Variants in BRINP1 observed in about 807,000 individuals in gnomAD.
BRINP1 encodes the protein BMP/retinoic acid inducible neural specific 1.
Under a neutral mutation model 72.9 loss-of-function variants are expected in BRINP1, and 17 were observed. The observed-to-expected ratio is 0.23, with a 90% CI of 0.16 to 0.35. The LOEUF (loss-of-function observed/expected upper bound fraction) is 0.35, where lower values mean the gene tolerates loss of function less well. Ranked by LOEUF, BRINP1 falls within the 10% of genes least tolerant of loss-of-function variation. The probability of loss-of-function intolerance (pLI) is 1.00; values close to 1 mark genes in which losing one functional copy is unlikely to be tolerated. For synonymous variants in BRINP1, 418 were observed against 378.5 expected, an observed-to-expected ratio of 1.10 and a Z score of -1.21; for missense variants, 850 against 1,001.6, an observed-to-expected ratio of 0.85 and a Z score of 2.04.
intron 2 of BRINP1, among the ~76,000 whole-genome samples, chr9:119,309,491 G>T (rs970128042): frequency 6.6e-6 from 1 of 152,156 alleles, no homozygotes; most frequent in African/African-American, 2.4e-5. Flanking sequence ...TTCAGAGTGT[G>T]GCTATGAGGA....
At chr9:119,194,083 G>T (rs1829708704) in intron 7 of BRINP1, among the ~76,000 whole-genome samples, 1 of 152,148 alleles carries the variant, frequency 6.6e-6, no homozygotes, top group Non-Finnish European at 1.5e-5. Flanking sequence ...GACATGTGAG[G>T]GAAGCCTTCT....
intron 7 of BRINP1, among the ~76,000 whole-genome samples, chr9:119,178,097 C>G (rs1829509318): frequency 6.6e-6 from 1 of 152,032 alleles, no homozygotes; most frequent in South Asian, 2.1e-4. Flanking sequence ...GGAGGAGACC[C>G]TGGACAGGGA....
chr9:119,365,656 T>G (rs1831683270), intron 1 of BRINP1, among the ~76,000 whole-genome samples: 1 of 152,156 alleles, frequency 6.6e-6, no homozygotes, highest in Non-Finnish European at 1.5e-5. Flanking sequence ...CATAAACTCT[T>G]GCAAGCACTA....
intron 7 of BRINP1, among the ~76,000 whole-genome samples, chr9:119,197,075 TG>T (rs1829746077): frequency 6.6e-6 from 1 of 152,192 alleles, no homozygotes; most frequent in Non-Finnish European, 1.5e-5. Flanking sequence ...ACTGAATTTG[TG>T]GTCAAGTAGG....
chr9:119,170,948 A>C (rs1171875786), intron 7 of BRINP1, among the ~76,000 whole-genome samples: 145 of 143,718 alleles, frequency 1.0e-3, no homozygotes, highest in Non-Finnish European at 8.6e-4. Flanking sequence ...TTTTGTCACC[A>C]CCAGGCCTGC....
At chr9:119,364,919 C>A (rs1831675473) in intron 1 of BRINP1, among the ~76,000 whole-genome samples, 1 of 152,190 alleles carries the variant, frequency 6.6e-6, no homozygotes, top group Non-Finnish European at 1.5e-5. Flanking sequence ...GAACATGAAG[C>A]AATTGTTAGC....
chr9:119,262,396 G>A (rs1564231997), intron 2 of BRINP1, among the ~76,000 whole-genome samples: 2 of 152,124 alleles, frequency 1.3e-5, no homozygotes, highest in Admixed American at 6.5e-5. Flanking sequence ...CACTTTGGGA[G>A]GTCGAGGCGG....
At chr9:119,353,667 C>G (rs1411997707) in intron 1 of BRINP1, among the ~76,000 whole-genome samples, 1 of 152,132 alleles carries the variant, frequency 6.6e-6, no homozygotes, top group Non-Finnish European at 1.5e-5. Context: ...TCAATCAATA[C>G]CAGTTCCCAT....
intron 5 of BRINP1, among the ~76,000 whole-genome samples, chr9:119,221,580 T>C (rs1384883923): frequency 6.6e-6 from 1 of 152,068 alleles, no homozygotes; most frequent in Non-Finnish European, 1.5e-5. Flanking sequence ...GATGGGTCAT[T>C]TACACTCTGG....
intron 5 of BRINP1, among the ~76,000 whole-genome samples, chr9:119,219,929 T>C (rs1359310967): frequency 6.6e-6 from 1 of 152,032 alleles, no homozygotes; most frequent in East Asian, 1.9e-4. Flanking sequence ...GGGAAGAGCA[T>C]GGAAAAGGCC....
chr9:119,184,865 CCTT>C (rs895539461), intron 7 of BRINP1, among the ~76,000 whole-genome samples: 14 of 152,252 alleles, frequency 9.2e-5, no homozygotes, highest in African/African-American at 3.1e-4. Context: ...TTCCTCCTAG[CCTT>C]CTCCAAACAG....
In BRINP1 at chr9:119,167,863, T is replaced by C; in HGVS notation, c.1507A>G (p.Thr503Ala). The C allele has an allele frequency of 4.3e-6, 7 of 1,614,082 alleles. No individual in the cohort carries two copies. Among genetic ancestry groups the C allele is most frequent in the Non-Finnish European group, 5.9e-6 (7 of 1,180,012 alleles). ...QKMDSRLYVH[T>A]TFISNEIRLD... The stretch of plus-strand genomic sequence containing the variant: ...CGGATCTCGTTGCTGATGAAGGTGG[T>C]GTGGACGTAGAGGCGTGAGTCCATC... The change falls in exon 8 of 8, where the codon ACC (threonine) becomes GCC (alanine). Residue 503 changes from threonine (T) to alanine (A), a missense_variant. Thr to Ala is a moderately conservative substitution (Grantham distance 58). Transcript: ENST00000265922. The surrounding 1 kb of genome is among the most constrained non-coding windows in gnomAD (Gnocchi z 4.3).
intron 2 of BRINP1, among the ~76,000 whole-genome samples, chr9:119,278,908 AAAAC>A (rs1332073722): frequency 1.3e-5 from 2 of 152,146 alleles, no homozygotes; most frequent in African/African-American, 2.4e-5. Flanking sequence ...CAACAACAAC[AAAAC>A]AAACAAACAA....
intron 2 of BRINP1, chr9:119,283,330 G>T (rs1260386165): frequency 3.5e-6 from 1 of 282,370 alleles, no homozygotes; most frequent in Non-Finnish European, 5.3e-6. Flanking sequence ...GAAACTGTGG[G>T]TGGAGCCCCA....
chr9:119,298,026 T>C (rs888591893), intron 2 of BRINP1, among the ~76,000 whole-genome samples: 13 of 152,238 alleles, frequency 8.5e-5, no homozygotes, highest in African/African-American at 3.1e-4. Flanking sequence ...ATCAGTCAAT[T>C]TGTCTGGGTC....
chr9:119,280,910 G>A (rs555672788), intron 2 of BRINP1, among the ~76,000 whole-genome samples: 1 of 152,332 alleles, frequency 6.6e-6, no homozygotes, highest in Admixed American at 6.5e-5. Context: ...ATTCAACCAT[G>A]CCTTGAAGAC....
chr9:119,219,972 A>G (rs983300946), intron 5 of BRINP1, among the ~76,000 whole-genome samples: 1 of 152,154 alleles, frequency 6.6e-6, no homozygotes, highest in Non-Finnish European at 1.5e-5. Flanking sequence ...CTGAGAATCA[A>G]CTTGGCCCTC....
chr9:119,367,221 G>GTGAT (rs1564259756), intron 1 of BRINP1, among the ~76,000 whole-genome samples: 24 of 99,842 alleles, frequency 2.4e-4, no homozygotes, highest in African/African-American at 4.2e-4. Flanking sequence ...GTGTGTGATT[G>GTGAT]ATATATATAT....
intron 7 of BRINP1, among the ~76,000 whole-genome samples, chr9:119,177,623 A>T (rs572053220): frequency 2.1e-4 from 32 of 152,062 alleles, no homozygotes; most frequent in Non-Finnish European, 4.1e-4. Flanking sequence ...GTGTCTCATC[A>T]TTGGGACCCT....
Sources: allele counts gnomAD v4.1 joint callset (sites outside exome capture counted in the v4.1 genomes callset), GRCh38; gene constraint gnomAD v4.1.1; non-coding constraint Gnocchi (gnomAD v3.1); transcripts MANE v1.5; gene names NCBI Gene and HGNC (gene_info 2026-07-23, HGNC 2026-07-21).